Variants in CELF2 observed in about 807,000 individuals in gnomAD.
CELF2 encodes the protein CUG triplet repeat RNA-binding protein 2.
A neutral mutation model predicts 62.6 loss-of-function variants in CELF2; 8 were observed. The ratio of observed to expected loss-of-function variants is 0.13; its 90% CI spans 0.07 to 0.23. The LOEUF (loss-of-function observed/expected upper bound fraction) is 0.23. CELF2 is among the 10% of genes least tolerant of loss of function. The probability of loss-of-function intolerance (pLI) is 1.00; values close to 1 mark genes in which losing one functional copy is unlikely to be tolerated. For missense variants in CELF2, 333 were observed against 671.0 expected (o/e 0.50, Z 5.56); for synonymous variants, 258 against 250.0 (o/e 1.03, Z -0.30).
the CELF2 span, among the ~76,000 whole-genome samples, chr10:10,681,862 G>A: frequency 1.3e-5 from 2 of 152,140 alleles, no homozygotes; most frequent in African/African-American, 4.8e-5. Flanking sequence ...ACCCATTTTG[G>A]AACCAAGTTT....
the CELF2 span, among the ~76,000 whole-genome samples, chr10:10,738,250 C>G: frequency 2.0e-5 from 3 of 152,242 alleles, no homozygotes; most frequent in East Asian, 5.8e-4. Context: ...AGTTTAAAAC[C>G]CTTTAGATGT....
chr10:10,640,514 T>C, the CELF2 span, among the ~76,000 whole-genome samples: 1 of 152,226 alleles, frequency 6.6e-6, no homozygotes, highest in Non-Finnish European at 1.5e-5. Flanking sequence ...GCCCTTCCTT[T>C]GGAATCTTTA....
rs189173508 is a variant in CELF2, at chr10:11,335,083, T to C, written c.*6030T>C. ...TAAAGTTTCTCACACTCAAGTCGTC[T>C]TCATAGTTTACTGTCCTTTTCCAAA... On this transcript the variant is annotated 3_prime_UTR_variant, in exon 13 of 13. Transcript: ENST00000633077. The surrounding 1 kb of genome is among the most constrained non-coding windows in gnomAD (Gnocchi z 5.0). 1 of 152,344 alleles carries C rather than the reference T, an allele frequency of 6.6e-6. No individual in the cohort carries two copies. Among genetic ancestry groups the C allele is most frequent in the Non-Finnish European group, 1.5e-5 (1 of 68,042 alleles). The allele number at this position is 152,344 out of a possible 1,614,324, so 9.4% of individuals were successfully genotyped here. A position where few individuals can be genotyped will look rare whatever the true frequency, so the allele number is the denominator to read the frequency against.
At chr10:10,726,368 G>C in the CELF2 span, among the ~76,000 whole-genome samples, 1 of 152,178 alleles carries the variant, frequency 6.6e-6, no homozygotes, top group African/African-American at 2.4e-5. Flanking sequence ...TGGCTAGACA[G>C]AGCAGCCGTT....
At chr10:11,037,091 TG>T (rs1200020425) in intron 1 of CELF2, among the ~76,000 whole-genome samples, 3 of 152,248 alleles carry the variant, frequency 2.0e-5, no homozygotes, top group South Asian at 2.1e-4. Context: ...AAGATGTACC[TG>T]AGACTGAGTA....
chr10:11,021,263 ATAAAT>A (rs761445895), intron 1 of CELF2, among the ~76,000 whole-genome samples: 15 of 152,248 alleles, frequency 9.9e-5, no homozygotes, highest in African/African-American at 2.7e-4. Flanking sequence ...GAGTCTACCA[ATAAAT>A]TAAAAATAAA....
chr10:10,966,244 A>G (rs1380677106), intron 2 of CELF2, among the ~76,000 whole-genome samples: 1 of 152,200 alleles, frequency 6.6e-6, no homozygotes, highest in African/African-American at 2.4e-5. Context: ...CCACTCACAC[A>G]ACCCCTTTGC....
rs940027570 is a variant in CELF2 at position 11,316,074 on chromosome 10, T to C, written c.1096+1816T>C. Among the ~76,000 whole-genome samples the C allele has an allele frequency of 6.6e-6, 1 of 152,230 alleles. No individual in the cohort carries two copies. The highest frequency in any genetic ancestry group is 1.5e-5 in the Non-Finnish European group (1 of 68,044). On this transcript the variant is annotated intron_variant, in intron 10 of 12. Coordinates refer to ENST00000633077, the MANE Select transcript of CELF2 (RefSeq NM_001326342.2). The surrounding 1 kb of genome is among the most constrained non-coding windows in gnomAD (Gnocchi z 4.4). ...CATTGCTGAGATTTTCCCATCGTTC[T>C]CGTCAGGGACTGGAGAGGGGCTGTG... is the stretch of plus-strand genomic sequence containing the variant.
chr10:10,595,921 A>G, the CELF2 span, among the ~76,000 whole-genome samples: 2 of 152,100 alleles, frequency 1.3e-5, no homozygotes, highest in African/African-American at 4.8e-5. Context: ...TGGTATACAT[A>G]TTACTGCAGA....
the CELF2 span, among the ~76,000 whole-genome samples, chr10:10,680,692 A>G: frequency 1.8e-4 from 28 of 152,216 alleles, no homozygotes; most frequent in Admixed American, 1.0e-3. Flanking sequence ...TTGTTAGCAT[A>G]GCCTATCTGG....
the CELF2 span, among the ~76,000 whole-genome samples, chr10:10,530,269 G>C: frequency 0.62 from 94,254 of 152,088 alleles, 29,938 homozygotes; most frequent in East Asian, 0.85. Context: ...TTTTATACAG[G>C]ATAAAAAGAT....
At chr10:10,599,205 A>T in the CELF2 span, among the ~76,000 whole-genome samples, 59 of 152,322 alleles carry the variant, frequency 3.9e-4, no homozygotes, top group African/African-American at 1.4e-3. Context: ...AGTCATTGAG[A>T]GCAATGACTT....
the CELF2 span, among the ~76,000 whole-genome samples, chr10:10,705,004 C>A: frequency 2.0e-5 from 3 of 151,654 alleles, no homozygotes; most frequent in South Asian, 6.2e-4. Flanking sequence ...GCCTGGGCAA[C>A]ATGGCGAGAC....
chr10:10,531,304 A>G, the CELF2 span, among the ~76,000 whole-genome samples: 1 of 152,202 alleles, frequency 6.6e-6, no homozygotes, highest in Non-Finnish European at 1.5e-5. Context: ...TGGATGTAGT[A>G]GATTAGGTTT....
At chr10:10,752,102 G>T in the CELF2 span, among the ~76,000 whole-genome samples, 10 of 152,318 alleles carry the variant, frequency 6.6e-5, no homozygotes, top group South Asian at 6.2e-4. Context: ...ACAGACGAAG[G>T]TTGCTTCTCA....
the CELF2 span, among the ~76,000 whole-genome samples, chr10:10,719,066 A>T: frequency 7.0e-6 from 1 of 143,764 alleles, no homozygotes; most frequent in Non-Finnish European, 1.5e-5. Flanking sequence ...GGTTCAAGCG[A>T]TTCTTCTGCC....
At chr10:10,486,699 T>C in the CELF2 span, among the ~76,000 whole-genome samples, 1 of 152,194 alleles carries the variant, frequency 6.6e-6, no homozygotes, top group African/African-American at 2.4e-5. Context: ...CGTTTTGAAC[T>C]GTGGAGCATT....
rs916097310 is a variant in CELF2 at position 11,224,060 on chromosome 10, C to G, written c.354+6553C>G. ...CTAGTTATTTTTAAAGCATGGCCTA[C>G]TCGGTATAAGGAATTGTACGAGAGA... On this transcript the variant is annotated intron_variant, in intron 3 of 12. Transcript: ENST00000633077. The surrounding 1 kb of genome is among the most constrained non-coding windows in gnomAD (Gnocchi z 4.5). Among the ~76,000 whole-genome samples the G allele has an allele frequency of 3.3e-5, 5 of 152,264 alleles. No individual in the cohort carries two copies. In the South Asian group the frequency reaches 6.2e-4, roughly 19 times the overall value.
the CELF2 span, among the ~76,000 whole-genome samples, chr10:10,673,812 C>G: frequency 6.6e-6 from 1 of 152,118 alleles, no homozygotes; most frequent in African/African-American, 2.4e-5. Flanking sequence ...ATTTTTTAAT[C>G]TCCACATAGC....
Sources: allele counts gnomAD v4.1 joint callset (sites outside exome capture counted in the v4.1 genomes callset), GRCh38; gene constraint gnomAD v4.1.1; non-coding constraint Gnocchi (gnomAD v3.1); transcripts MANE v1.5; gene names NCBI Gene and HGNC (gene_info 2026-07-23, HGNC 2026-07-21).